Variants in SNX13 observed in about 807,000 individuals in gnomAD.
The protein encoded by SNX13 is sorting nexin-13.
A neutral mutation model predicts 133.6 loss-of-function variants in SNX13; 45 were observed. The observed-to-expected ratio is 0.34, with a 90% CI of 0.27 to 0.43. SNX13 has a LOEUF of 0.43. SNX13 is among the 20% of genes least tolerant of loss of function. SNX13 has a pLI of 1.00. For missense variants in SNX13, 1,032 were observed against 1,145.1 expected (o/e 0.90, Z 1.43); for synonymous variants, 414 against 373.9 (o/e 1.11, Z -1.24).
intron 15 of SNX13, chr7:17,831,688 T>C: frequency 1.0e-6 from 1 of 984,186 alleles, no homozygotes; most frequent in Non-Finnish European, 1.2e-6. Flanking sequence ...GATAATTATT[T>C]CAGAATGTCT....
chr7:17,933,635 A>C (rs1467168832), intron 1 of SNX13, among the ~76,000 whole-genome samples: 4 of 151,370 alleles, frequency 2.6e-5, no homozygotes, highest in Non-Finnish European at 5.9e-5. Context: ...TTTCTCTTTC[A>C]CTTCTTTTAG....
chr7:17,936,705 C>G (rs1192215548), intron 1 of SNX13, among the ~76,000 whole-genome samples: 1 of 151,848 alleles, frequency 6.6e-6, no homozygotes, highest in Non-Finnish European at 1.5e-5. Context: ...GATAAAAATT[C>G]ACTGATAAAT....
intron 18 of SNX13, among the ~76,000 whole-genome samples, chr7:17,820,665 C>A (rs1787190698): frequency 6.6e-6 from 1 of 152,064 alleles, no homozygotes; most frequent in Admixed American, 6.6e-5. Flanking sequence ...ATATTTTCCA[C>A]TATATTAAGT....
Position 17,845,178 on chromosome 7 carries a change from G to A in SNX13, c.1165+417C>T, listed in dbSNP as rs939617998. Among the ~76,000 whole-genome samples the A allele has an allele frequency of 6.3e-5, 9 of 141,764 alleles. 1 individual carries two copies. In the South Asian group the frequency reaches 1.8e-3, roughly 28 times the overall value. 93.0% of individuals were successfully genotyped at this position (141,764 alleles called of 152,430 possible). A position where few individuals can be genotyped will look rare whatever the true frequency, so the allele number is the denominator to read the frequency against. Reference sequence around the variant, plus strand: ...TACACACACACACACACACACACACGAATATTATTCAGCATTAAAAAGGAA... The same window carrying A: ...TACACACACACACACACACACACACAAATATTATTCAGCATTAAAAAGGAA... On this transcript the variant is annotated intron_variant, in intron 12 of 25. Coordinates refer to ENST00000428135, the MANE Select transcript of SNX13 (RefSeq NM_015132.5).
chr7:17,841,923 G>A (rs559154377), intron 12 of SNX13, among the ~76,000 whole-genome samples: 4 of 152,010 alleles, frequency 2.6e-5, no homozygotes, highest in Non-Finnish European at 5.9e-5. Context: ...ATCAGCAAAT[G>A]TAAGGATAGA....
Position 17,834,169 on chromosome 7 carries a change from G to C in SNX13, c.1480C>G (p.Leu494Val), listed in dbSNP as rs917060906. 2 of 1,583,692 alleles carry C rather than the reference G, an allele frequency of 1.3e-6. No individual in the cohort carries two copies. Among genetic ancestry groups the C allele is most frequent in the African/African-American group, 2.7e-5 (2 of 74,240 alleles). ...DIQRKVYELM[L>V]RDERFYPSFR... ...GAAGGATAAAATCTTTCATCTCGTA[G>C]CATCAATTCATATACCTTGGTGAAA... is the stretch of plus-strand genomic sequence containing the variant. The change falls in exon 15 of 26, where the codon CTA (leucine) becomes GTA (valine). Residue 494 changes from leucine (L) to valine (V), a missense_variant. Coordinates refer to ENST00000428135, the MANE Select transcript of SNX13 (RefSeq NM_015132.5).
intron 9 of SNX13, among the ~76,000 whole-genome samples, chr7:17,860,399 T>C (rs557656705): frequency 1.6e-3 from 242 of 152,348 alleles, no homozygotes; most frequent in African/African-American, 5.3e-3. Context: ...ATCGGATATA[T>C]GGCTTGCAAA....
intron 1 of SNX13, among the ~76,000 whole-genome samples, chr7:17,924,785 G>C (rs1011813884): frequency 2.6e-5 from 4 of 152,116 alleles, no homozygotes; most frequent in Non-Finnish European, 4.4e-5. Flanking sequence ...ATGTTACTTG[G>C]CAATAAAAAT....
chr7:17,803,692 G>C, intron 20 of SNX13, 112 bp from the exon 21 acceptor site: 1 of 936,916 alleles, frequency 1.1e-6, no homozygotes, highest in Non-Finnish European at 1.5e-6. Context: ...GTAATTTTCT[G>C]GTCTATATTA....
intron 17 of SNX13, among the ~76,000 whole-genome samples, chr7:17,821,897 A>G (rs1030017337): frequency 6.6e-6 from 1 of 152,216 alleles, no homozygotes; most frequent in Non-Finnish European, 1.5e-5. Flanking sequence ...TCAGTATGAC[A>G]CTATCAATCA....
At chr7:17,823,197 G>C (rs1438853862) in intron 17 of SNX13, among the ~76,000 whole-genome samples, 1 of 151,944 alleles carries the variant, frequency 6.6e-6, no homozygotes, top group Non-Finnish European at 1.5e-5. Flanking sequence ...TTTCCCCATG[G>C]TCTACGGCAT....
intron 15 of SNX13, chr7:17,830,589 A>C: frequency 1.0e-6 from 1 of 983,924 alleles, no homozygotes; most frequent in Non-Finnish European, 1.2e-6. Flanking sequence ...ATATAACAAA[A>C]AGACAGTTAA....
chr7:17,876,473 G>C (rs1435497185), intron 5 of SNX13, among the ~76,000 whole-genome samples: 2 of 151,846 alleles, frequency 1.3e-5, no homozygotes, highest in Non-Finnish European at 2.9e-5. Context: ...CCAGCTGCTA[G>C]GGAAGCTGAA....
intron 9 of SNX13, among the ~76,000 whole-genome samples, chr7:17,865,544 T>C (rs1373106767): frequency 1.3e-5 from 2 of 152,144 alleles, no homozygotes; most frequent in Admixed American, 1.3e-4. Flanking sequence ...ATTGCTAAAA[T>C]GTCCATAGTA....
At chr7:17,919,426 T>C (rs973912507) in intron 1 of SNX13, among the ~76,000 whole-genome samples, 4 of 152,184 alleles carry the variant, frequency 2.6e-5, no homozygotes, top group Admixed American at 2.0e-4. Context: ...TAACTAATGT[T>C]GTCCTGAGTT....
intron 5 of SNX13, among the ~76,000 whole-genome samples, chr7:17,887,727 C>T (rs755992389): frequency 6.6e-6 from 1 of 152,074 alleles, no homozygotes; most frequent in Non-Finnish European, 1.5e-5. Flanking sequence ...CTTCATTTTA[C>T]AGTGACATTC....
intron 17 of SNX13, among the ~76,000 whole-genome samples, chr7:17,823,352 A>C (rs749953442): frequency 2.0e-4 from 31 of 152,212 alleles, no homozygotes; most frequent in Non-Finnish European, 2.5e-4. Context: ...ACGTTTATTC[A>C]TAAGTGTGAA....
rs1193631701 is a variant in SNX13 at position 17,803,464 on chromosome 7, T to C, written c.2181A>G (p.Lys727=). 1 of 1,612,552 alleles carries C rather than the reference T, an allele frequency of 6.2e-7. No individual in the cohort carries two copies. Among genetic ancestry groups the C allele is most frequent in the Admixed American group, 1.7e-5 (1 of 59,764 alleles). The change falls in exon 21 of 26, where the codon AAA becomes AAG. Residue 727 remains lysine, a synonymous_variant. Coordinates refer to ENST00000428135, the MANE Select transcript of SNX13 (RefSeq NM_015132.5). ...GMTKMSDNMG[K]MSERLGQDIK... ...TGTCTTGACCTAATCTTTCTGACAT[T>C]TTGCCCATGTTGTCTGACATTTTAG...
chr7:17,900,180 T>G (rs973246357), intron 1 of SNX13: 1 of 152,294 alleles, frequency 6.6e-6, no homozygotes, highest in African/African-American at 2.4e-5. Flanking sequence ...TCAGTCTCTC[T>G]GCTGAGTTGT....
Sources: gnomAD v4.1 joint callset for allele counts (sites outside exome capture counted in the v4.1 genomes callset) on GRCh38, gnomAD v4.1.1 for gene constraint, MANE v1.5 for transcripts, NCBI Gene and HGNC (gene_info 2026-07-23, HGNC 2026-07-21) for gene names.